AZIN2: variants seen among roughly 807,000 people sequenced by gnomAD.
AZIN2 encodes the protein antizyme inhibitor 2.
Under a neutral mutation model 47.8 loss-of-function variants are expected in AZIN2, and 28 were observed. The ratio of observed to expected loss-of-function variants is 0.59; its 90% confidence interval spans 0.43 to 0.80. The LOEUF (loss-of-function observed/expected upper bound fraction) is 0.80. Ranked by LOEUF, AZIN2 falls within the 30% of genes least tolerant of loss-of-function variation. The pLI is 0.00. For synonymous variants in AZIN2, 221 were observed against 239.4 expected, an observed-to-expected ratio of 0.92 and a Z score of 0.71; for missense variants, 535 against 582.5, an observed-to-expected ratio of 0.92 and a Z score of 0.84.
chr1:33,151,900 T>C, the AZIN2 span, among the ~76,000 whole-genome samples: 1 of 152,214 alleles, frequency 6.6e-6, no homozygotes, highest in Non-Finnish European at 1.5e-5. Context: ...GTGAGTGGAT[T>C]GTGTTTCTTT....
At chr1:33,101,252 G>A (rs1033918513) in intron 10 of AZIN2, among the ~76,000 whole-genome samples, 1 of 151,146 alleles carries the variant, frequency 6.6e-6, no homozygotes, top group African/African-American at 2.4e-5. Context: ...TTGTCTAGGC[G>A]GGTTGAGAAC....
At position 33,081,839 on chromosome 1, in the gene AZIN2, C is replaced by T. The variant is rs897138996; in HGVS notation, c.-73+27C>T. ...TGGGCGTGGTCAAGACTGGGGGCGC[C>T]CTGGAAACTTCCCCACCCAAGTTTC... On this transcript the variant is annotated intron_variant, in intron 3 of 11. Coordinates refer to ENST00000294517, the MANE Select transcript of AZIN2 (RefSeq NM_052998.4). The surrounding 1 kb of genome is among the most constrained non-coding windows in gnomAD (Gnocchi z 4.2). 1 of 272,938 alleles carries T rather than the reference C, an allele frequency of 3.7e-6. No individual in the cohort carries two copies. The highest frequency in any genetic ancestry group is 7.2e-6 in the Non-Finnish European group (1 of 138,922). The allele number at this position is 272,938 out of a possible 1,614,324, so 16.9% of individuals were successfully genotyped here.
chr1:33,136,113 C>CCCTTT, the AZIN2 span, among the ~76,000 whole-genome samples: 524 of 103,570 alleles, frequency 5.1e-3, 3 homozygotes, highest in African/African-American at 0.019. Context: ...CAGGGGCCAG[C>CCCTTT]CCTTCCTTCC....
the AZIN2 span, among the ~76,000 whole-genome samples, chr1:33,144,398 A>G: frequency 6.6e-6 from 1 of 152,162 alleles, no homozygotes. Context: ...TTGGCCTCCC[A>G]AAGTGTTGGG....
At chr1:33,153,562 G>C in the AZIN2 span, among the ~76,000 whole-genome samples, 1 of 152,224 alleles carries the variant, frequency 6.6e-6, no homozygotes, top group African/African-American at 2.4e-5. Context: ...CCTGCAACAA[G>C]GAATGGTCCA....
At chr1:33,112,658 G>T (rs1644339007) in intron 10 of AZIN2, among the ~76,000 whole-genome samples, 1 of 152,140 alleles carries the variant, frequency 6.6e-6, no homozygotes, top group Non-Finnish European at 1.5e-5. Flanking sequence ...TCTTTCTTCA[G>T]TTGGGTGGTA....
intron 10 of AZIN2, among the ~76,000 whole-genome samples, chr1:33,110,736 A>G (rs1020175712): frequency 6.6e-6 from 1 of 152,242 alleles, no homozygotes; most frequent in Non-Finnish European, 1.5e-5. Flanking sequence ...TGGTGCATAG[A>G]GTCAGAAGGC....
intron 11 of AZIN2, 134 bp downstream of exon 11, chr1:33,118,250 G>C (rs559766121): frequency 2.0e-6 from 2 of 999,868 alleles, no homozygotes; most frequent in Non-Finnish European, 2.8e-6. Context: ...CCACGTGAGG[G>C]ATGTGCTTGG....
At chr1:33,108,342 C>CTGTTTTTTTTTTT (rs1644119775) in intron 10 of AZIN2, among the ~76,000 whole-genome samples, 1 of 134,758 alleles carries the variant, frequency 7.4e-6, no homozygotes, top group African/African-American at 2.8e-5. Context: ...TTCAGATTGA[C>CTGTTTTTTTTTTT]TTTTTTTTTT....
intron 8 of AZIN2, 34 bp downstream of exon 8, chr1:33,094,747 C>A (rs752130772): frequency 1.2e-6 from 2 of 1,609,910 alleles, no homozygotes; most frequent in African/African-American, 1.3e-5. Flanking sequence ...ATGCTGGGCT[C>A]TATGGCGGGG....
At chr1:33,110,378 A>C (rs1644234545) in intron 10 of AZIN2, among the ~76,000 whole-genome samples, 2 of 152,208 alleles carry the variant, frequency 1.3e-5, no homozygotes, top group Admixed American at 6.5e-5. Flanking sequence ...ACAAAGAAAC[A>C]AGTCATCGTG....
At chr1:33,098,283 C>A in intron 10 of AZIN2, 104 bp downstream of exon 10, 1 of 793,700 alleles carries the variant, frequency 1.3e-6, no homozygotes, top group South Asian at 1.9e-5. Context: ...TATTTATTGT[C>A]GATAATAGAC....
intron 10 of AZIN2, among the ~76,000 whole-genome samples, chr1:33,104,421 C>A (rs1643899834): frequency 6.6e-6 from 1 of 151,810 alleles, no homozygotes; most frequent in African/African-American, 2.4e-5. Flanking sequence ...TTTTGTAATT[C>A]TTTGTTATTC....
downstream of AZIN2, among the ~76,000 whole-genome samples, chr1:33,124,418 A>AC (rs1644842851): frequency 1.4e-5 from 2 of 145,848 alleles, no homozygotes; most frequent in East Asian, 4.0e-4. This position sits in a 1 kb window ranked among gnomAD's most constrained non-coding sequence, Gnocchi z 4.6. Flanking sequence ...AAAAGAAAAA[A>AC]AAGTATACTC....
At chr1:33,088,262 G>T (rs758335644) in intron 5 of AZIN2, among the ~76,000 whole-genome samples, 4 of 152,050 alleles carry the variant, frequency 2.6e-5, no homozygotes, top group Non-Finnish European at 5.9e-5. Context: ...CGTCATGAAG[G>T]GCCCCCTCAG....
At position 33,122,165 on chromosome 1, in the gene AZIN2, T is replaced by C. The variant is rs1644806343; in HGVS notation, c.*1983T>C. ...CATACTTCTTTTGCGGAGAGGGACA[T>C]AGGTTTTCTGCTGGAACCAGGCATC... is the stretch of plus-strand genomic sequence containing the variant. On this transcript the variant is annotated 3_prime_UTR_variant, in exon 12 of 12. Transcript: ENST00000294517. 2.6e-5 allele frequency among the ~76,000 whole-genome samples: 4 copies of C among 152,174 alleles called. No individual in the cohort carries two copies. Among genetic ancestry groups the C allele is most frequent in the South Asian group, 4.1e-4 (2 of 4,830 alleles).
At chr1:33,156,266 C>G in the AZIN2 span, among the ~76,000 whole-genome samples, 1 of 152,242 alleles carries the variant, frequency 6.6e-6, no homozygotes, top group African/African-American at 2.4e-5. Flanking sequence ...CACACTCTCT[C>G]TCCTTCGCTT....
the AZIN2 span, chr1:33,147,458 TG>T: frequency 6.2e-7 from 1 of 1,614,030 alleles, no homozygotes; most frequent in Non-Finnish European, 8.5e-7. This position sits in a 1 kb window ranked among gnomAD's most constrained non-coding sequence, Gnocchi z 8.1. Context: ...AAGCCGCGGC[TG>T]GGCTGGATCT....
chr1:33,082,688 C>T (rs1337758904), intron 4 of AZIN2: 1 of 209,656 alleles, frequency 4.8e-6, no homozygotes, highest in Non-Finnish European at 9.7e-6. Context: ...TGTGGAACCT[C>T]GCTTTCTAGT....
Sources: allele counts gnomAD v4.1 joint callset (sites outside exome capture counted in the v4.1 genomes callset), GRCh38; gene constraint gnomAD v4.1.1; non-coding constraint Gnocchi (gnomAD v3.1); transcripts MANE v1.5; gene names NCBI Gene and HGNC (gene_info 2026-07-23, HGNC 2026-07-21).